The following ZNF362 variants were observed in gnomAD, a reference collection of about 807,000 sequenced individuals.
ZNF362 encodes the protein zinc finger protein 362, also known as rotund homolog.
Under a neutral mutation model 42.9 loss-of-function variants are expected in ZNF362, and 11 were observed. The ratio of observed to expected loss-of-function variants is 0.26; its 90% CI spans 0.16 to 0.42. The LOEUF is 0.42. Ranked by LOEUF, ZNF362 falls within the 20% of genes least tolerant of loss-of-function variation. The pLI is 1.00. For synonymous variants in ZNF362, 255 were observed against 257.3 expected (o/e 0.99, Z 0.09); for missense variants, 362 against 576.2 (o/e 0.63, Z 3.81).
At chr1:33,260,719 C>T (rs772458805) in intron 1 of ZNF362, among the ~76,000 whole-genome samples, 2 of 152,118 alleles carry the variant, frequency 1.3e-5, no homozygotes. Context: ...CTAGGGAGTC[C>T]AGGTGTGGCA....
At chr1:33,175,334 G>A in the ZNF362 span, among the ~76,000 whole-genome samples, 6 of 151,954 alleles carry the variant, frequency 3.9e-5, no homozygotes, top group South Asian at 2.1e-4. Context: ...GGGCCACTGC[G>A]CCCAGCCCAG....
At chr1:33,212,782 C>T in the ZNF362 span, among the ~76,000 whole-genome samples, 1 of 152,222 alleles carries the variant, frequency 6.6e-6, no homozygotes, top group African/African-American at 2.4e-5. Context: ...CCAAACATCT[C>T]TGACCTTCAG....
At chr1:33,171,401 T>C in the ZNF362 span, among the ~76,000 whole-genome samples, 1 of 152,000 alleles carries the variant, frequency 6.6e-6, no homozygotes, top group Non-Finnish European at 1.5e-5. Flanking sequence ...GAGGGGGAAA[T>C]TGAGGCTCAG....
chr1:33,140,352 G>A, the ZNF362 span, among the ~76,000 whole-genome samples: 1 of 152,172 alleles, frequency 6.6e-6, no homozygotes, highest in South Asian at 2.1e-4. The surrounding 1 kb of genome is among the most constrained non-coding windows in gnomAD (Gnocchi z 4.0). Context: ...GACCTTTCAG[G>A]TCCCATATCT....
chr1:33,263,837 G>C (rs1645845862), intron 1 of ZNF362, among the ~76,000 whole-genome samples: 1 of 152,216 alleles, frequency 6.6e-6, no homozygotes, highest in Non-Finnish European at 1.5e-5. Flanking sequence ...TGGTGGCACT[G>C]GGACCTAGGG....
chr1:33,200,056 A>AC, the ZNF362 span: 1 of 152,916 alleles, frequency 6.5e-6, no homozygotes, highest in African/African-American at 2.4e-5. Flanking sequence ...ACAAAACAAA[A>AC]AAACCAGTAA....
chr1:33,295,494 G>C (rs1287781137), intron 8 of ZNF362, among the ~76,000 whole-genome samples, 189 bp downstream of exon 8: 1 of 152,184 alleles, frequency 6.6e-6, no homozygotes, highest in African/African-American at 2.4e-5. Flanking sequence ...CCCACTTCTG[G>C]TTTCAGCTAC....
At chr1:33,140,191 C>T in the ZNF362 span, among the ~76,000 whole-genome samples, 2 of 152,056 alleles carry the variant, frequency 1.3e-5, no homozygotes, top group African/African-American at 4.8e-5. This position sits in a 1 kb window ranked among gnomAD's most constrained non-coding sequence, Gnocchi z 4.0. Flanking sequence ...CTTGTTCAGC[C>T]GATGAGGAAC....
chr1:33,203,799 G>A, the ZNF362 span, among the ~76,000 whole-genome samples: 11 of 152,046 alleles, frequency 7.2e-5, no homozygotes, highest in African/African-American at 2.4e-4. Flanking sequence ...AGTCCTTTGC[G>A]CATTTTTTAA....
the ZNF362 span, among the ~76,000 whole-genome samples, chr1:33,139,987 G>A: frequency 1.3e-5 from 2 of 152,212 alleles, no homozygotes; most frequent in East Asian, 3.8e-4. Context: ...TGTAGACAGG[G>A]AGACATCTTA....
chr1:33,202,585 G>A, the ZNF362 span, among the ~76,000 whole-genome samples: 3 of 119,098 alleles, frequency 2.5e-5, no homozygotes, highest in African/African-American at 3.1e-5. Flanking sequence ...GTGACAGAGC[G>A]AGACTCCATA....
the ZNF362 span, among the ~76,000 whole-genome samples, chr1:33,161,173 C>T: frequency 2.0e-4 from 31 of 152,294 alleles, no homozygotes; most frequent in African/African-American, 7.5e-4. This position sits in a 1 kb window ranked among gnomAD's most constrained non-coding sequence, Gnocchi z 4.3. Context: ...AGAGAAAGAG[C>T]CTGGTTATTG....
chr1:33,291,048 T>C (rs1473198088), intron 6 of ZNF362, among the ~76,000 whole-genome samples: 1 of 152,268 alleles, frequency 6.6e-6, no homozygotes, highest in African/African-American at 2.4e-5. Context: ...TCTTTTGCTG[T>C]GCAGAAACTC....
chr1:33,198,911 T>C, the ZNF362 span, among the ~76,000 whole-genome samples: 5 of 152,142 alleles, frequency 3.3e-5, no homozygotes, highest in Non-Finnish European at 2.9e-5. Flanking sequence ...TGGATGAGAT[T>C]AATGGCAGTT....
intron 2 of ZNF362, chr1:33,275,442 G>A (rs1645936436): frequency 1.0e-6 from 1 of 964,254 alleles, no homozygotes; most frequent in Non-Finnish European, 1.2e-6. Flanking sequence ...CCACGTCGTT[G>A]TAGGTCAGAT....
the ZNF362 span, among the ~76,000 whole-genome samples, chr1:33,185,462 T>C: frequency 2.6e-5 from 4 of 152,208 alleles, no homozygotes; most frequent in African/African-American, 7.2e-5. Context: ...CCTCAAGTGA[T>C]CTGCCTGCCT....
intron 6 of ZNF362, among the ~76,000 whole-genome samples, chr1:33,284,929 G>T (rs567866491): frequency 6.6e-6 from 1 of 152,304 alleles, no homozygotes; most frequent in East Asian, 1.9e-4. Flanking sequence ...GGATGTCAAC[G>T]TGGCAGCCTG....
At chr1:33,217,114 G>C in the ZNF362 span, among the ~76,000 whole-genome samples, 1 of 152,100 alleles carries the variant, frequency 6.6e-6, no homozygotes, top group Non-Finnish European at 1.5e-5. Flanking sequence ...TGTTCCCAGG[G>C]AGCAATGACT....
the ZNF362 span, chr1:33,142,591 G>A: frequency 6.6e-6 from 1 of 152,208 alleles, no homozygotes. Flanking sequence ...GGGTCACATG[G>A]GGCCTTTCTA....
Sources: allele counts gnomAD v4.1 joint callset (sites outside exome capture counted in the v4.1 genomes callset), GRCh38; gene constraint gnomAD v4.1.1; non-coding constraint Gnocchi (gnomAD v3.1); transcripts MANE v1.5; gene names NCBI Gene and HGNC (gene_info 2026-07-23, HGNC 2026-07-21).